Variants in COG5 observed in about 807,000 individuals in gnomAD.
COG5 encodes conserved oligomeric Golgi complex subunit 5.
In COG5, 86 loss-of-function variants were observed where a neutral mutation model predicts 110.4. The ratio of observed to expected loss-of-function variants is 0.78; its 90% CI spans 0.65 to 0.93. The LOEUF (loss-of-function observed/expected upper bound fraction) is 0.93, where lower values mean the gene tolerates loss of function less well. Among genes scored for constraint, COG5 ranks in the 40% least tolerant of loss-of-function variants. The pLI is 0.00. For synonymous variants in COG5, 360 were observed against 334.6 expected (o/e 1.08, Z -0.83); for missense variants, 1,077 against 987.0 (o/e 1.09, Z -1.22).
At chr7:107,269,246 C>T (rs563074887) in intron 14 of COG5, among the ~76,000 whole-genome samples, 97 of 152,122 alleles carry the variant, frequency 6.4e-4, no homozygotes, top group African/African-American at 9.6e-4. Flanking sequence ...GAGGCCGAGG[C>T]GGGGGGATCA....
intron 11 of COG5, among the ~76,000 whole-genome samples, chr7:107,311,688 C>T (rs865806397): frequency 1.3e-5 from 2 of 151,990 alleles, no homozygotes; most frequent in Non-Finnish European, 2.9e-5. Context: ...CCACCGCGCC[C>T]GGCCACATTT....
intron 10 of COG5, among the ~76,000 whole-genome samples, chr7:107,342,470 G>A (rs778010338): frequency 2.2e-4 from 33 of 151,928 alleles, no homozygotes; most frequent in Non-Finnish European, 2.8e-4. Flanking sequence ...CTGAGGTCAG[G>A]AGTTTGAGAC....
At chr7:107,424,670 T>C (rs1005273850) in intron 6 of COG5, among the ~76,000 whole-genome samples, 6 of 152,218 alleles carry the variant, frequency 3.9e-5, no homozygotes, top group Non-Finnish European at 8.8e-5. Flanking sequence ...GCCTATATGC[T>C]TAGCACTGTA....
chr7:107,484,947 C>T (rs906786909), intron 6 of COG5, among the ~76,000 whole-genome samples: 1 of 152,142 alleles, frequency 6.6e-6, no homozygotes, highest in Non-Finnish European at 1.5e-5. Context: ...GAAAAGAAGA[C>T]AAGTGTCTTA....
intron 10 of COG5, among the ~76,000 whole-genome samples, chr7:107,326,219 G>C (rs750919842): frequency 9.2e-5 from 14 of 152,144 alleles, no homozygotes; most frequent in Non-Finnish European, 2.1e-4. Flanking sequence ...GTGCGAAACA[G>C]AAAGCTTTCC....
chr7:107,491,963 A>G (rs1217512750), intron 6 of COG5, among the ~76,000 whole-genome samples: 2 of 152,164 alleles, frequency 1.3e-5, no homozygotes, highest in Non-Finnish European at 1.5e-5. Flanking sequence ...TCCAAAACAG[A>G]CACATAAACA....
Position 107,342,831 on chromosome 7 carries a change from CAG to C in COG5, c.1027-18312_1027-18311del, listed in dbSNP as rs1811283684. Among the ~76,000 whole-genome samples, 3 of 152,118 alleles carry C rather than the reference CAG, an allele frequency of 2.0e-5. No individual in the cohort carries two copies. In the East Asian group the frequency reaches 5.8e-4, roughly 29 times the overall value. ...TGAAGATTTCTCAAAGAACTTAAAACAGAACTACTATTCAACCCAGCAATCCC... is the reference window on the plus strand; with the variant it reads ...TGAAGATTTCTCAAAGAACTTAAAACAACTACTATTCAACCCAGCAATCCC... On this transcript the variant is annotated intron_variant, in intron 10 of 21. Coordinates refer to ENST00000297135, the MANE Select transcript of COG5 (RefSeq NM_006348.5).
chr7:107,209,007 A>G, intron 21 of COG5: 1 of 973,732 alleles, frequency 1.0e-6, no homozygotes, highest in Non-Finnish European at 1.2e-6. Flanking sequence ...ATTCTGAGGT[A>G]GGCAAGGGTG....
At chr7:107,265,443 A>G (rs2116679003) in intron 14 of COG5, among the ~76,000 whole-genome samples, 1 of 152,128 alleles carries the variant, frequency 6.6e-6, no homozygotes, top group African/African-American at 2.4e-5. Context: ...ATGGCCAGCT[A>G]ATTTTTAAAT....
chr7:107,402,571 T>TA (rs1337845062), intron 7 of COG5, among the ~76,000 whole-genome samples: 2 of 152,182 alleles, frequency 1.3e-5, no homozygotes, highest in Non-Finnish European at 2.9e-5. Flanking sequence ...GAAAGCTAGT[T>TA]AAAGCCTGAG....
chr7:107,332,351 G>A (rs1810327966), intron 10 of COG5, among the ~76,000 whole-genome samples: 1 of 152,186 alleles, frequency 6.6e-6, no homozygotes, highest in Admixed American at 6.5e-5. Context: ...AGAGAGAGGA[G>A]TGGGTGGAGA....
chr7:107,499,956 G>A (rs896469676), intron 6 of COG5, among the ~76,000 whole-genome samples: 2 of 151,898 alleles, frequency 1.3e-5, no homozygotes, highest in East Asian at 1.9e-4. Context: ...AAACCATTAC[G>A]TAAAGGAATG....
Position 107,210,604 on chromosome 7 carries a change from C to T in COG5, c.2297G>A (p.Arg766Lys), listed in dbSNP as rs1269365912. 7 of 1,598,860 alleles carry T rather than the reference C, an allele frequency of 4.4e-6. No individual in the cohort carries two copies. The highest frequency in any genetic ancestry group is 2.7e-5 in the African/African-American group (2 of 74,856). The change falls in exon 21 of 22, where the codon AGG (arginine) becomes AAG (lysine). Residue 766 changes from arginine to lysine, a missense_variant and splice_region_variant. Arg to Lys is a conservative substitution (Grantham distance 26). Coordinates refer to ENST00000297135, the MANE Select transcript of COG5 (RefSeq NM_006348.5). ...APAELKSPFQ[R>K]AEWSHTRFSQ... is the part of the protein sequence containing the mutation. ...GAAGCGTGTGTGGGACCACTCTGCC[C>T]TCTGCAGGGTTGAAACACAATTAGA...
At chr7:107,388,582 C>T (rs1790371562) in intron 7 of COG5, among the ~76,000 whole-genome samples, 1 of 152,142 alleles carries the variant, frequency 6.6e-6, no homozygotes, top group Non-Finnish European at 1.5e-5. Context: ...ACACTATTGG[C>T]ACAAGCCTTA....
chr7:107,271,617 GATAGAA>G (rs2116723521), intron 14 of COG5, among the ~76,000 whole-genome samples: 1 of 152,174 alleles, frequency 6.6e-6, no homozygotes, highest in South Asian at 2.1e-4. Context: ...GTAGCTGGTA[GATAGAA>G]ATAGTTGGTT....
chr7:107,394,589 T>C (rs1218884897), intron 7 of COG5, among the ~76,000 whole-genome samples: 1 of 152,202 alleles, frequency 6.6e-6, no homozygotes, highest in Non-Finnish European at 1.5e-5. Flanking sequence ...CTATAAAGAT[T>C]GTTTCATGAA....
chr7:107,467,935 C>T (rs1337879579), intron 6 of COG5, among the ~76,000 whole-genome samples: 3 of 152,050 alleles, frequency 2.0e-5, no homozygotes, highest in Non-Finnish European at 2.9e-5. Context: ...GGCTCAGAAA[C>T]CCCAGATTTT....
At chr7:107,273,542 A>C (rs371582402) in intron 14 of COG5, among the ~76,000 whole-genome samples, 242 of 152,352 alleles carry the variant, frequency 1.6e-3, no homozygotes, top group African/African-American at 4.9e-3. Context: ...CTATAGTGTT[A>C]GGACTTCCAA....
chr7:107,211,269 A>C, intron 19 of COG5, 44 bp from the exon 20 acceptor site: 1 of 1,602,944 alleles, frequency 6.2e-7, no homozygotes. Context: ...TTCAATACTG[A>C]AATAGGTGAT....
Sources: gnomAD v4.1 joint callset for allele counts (sites outside exome capture counted in the v4.1 genomes callset) on GRCh38, gnomAD v4.1.1 for gene constraint, MANE v1.5 for transcripts, NCBI Gene and HGNC (gene_info 2026-07-23, HGNC 2026-07-21) for gene names.